Variants in ECPAS observed in about 807,000 individuals in gnomAD.
The protein encoded by ECPAS is proteasome adapter and scaffold protein ECM29.
In ECPAS, 70 loss-of-function variants were observed where a neutral mutation model predicts 255.1. The observed-to-expected ratio is 0.27, with a 90% confidence interval of 0.23 to 0.33. ECPAS has a LOEUF of 0.33. Ranked by LOEUF, ECPAS falls within the 10% of genes least tolerant of loss-of-function variation. The pLI, the probability that ECPAS is intolerant of heterozygous loss-of-function variation, is 1.00. For missense variants in ECPAS, 1,817 were observed against 2,206.4 expected, an observed-to-expected ratio of 0.82 and a Z score of 3.54; for synonymous variants, 784 against 775.0, an observed-to-expected ratio of 1.01 and a Z score of -0.19.
chr9:111,474,188 A>G (rs1004943982), intron 1 of ECPAS, among the ~76,000 whole-genome samples: 8 of 152,178 alleles, frequency 5.3e-5, no homozygotes, highest in East Asian at 1.9e-4. Flanking sequence ...CAACCCATTC[A>G]TTCAACAAAT....
intron 1 of ECPAS, chr9:111,483,438 GCCGGCCC>G: frequency 2.3e-6 from 2 of 882,406 alleles, no homozygotes; most frequent in Non-Finnish European, 2.7e-6. Flanking sequence ...TCATGCGGCC[GCCGGCCC>G]CCGGCACCGC....
At chr9:111,414,753 T>C in intron 18 of ECPAS, 102 bp from the exon 19 acceptor site, 1 of 1,033,318 alleles carries the variant, frequency 9.7e-7, no homozygotes, top group Non-Finnish European at 1.4e-6. Flanking sequence ...TCACCCACAC[T>C]TCTTTATAAA....
chr9:111,376,595 C>A (rs907597374), intron 36 of ECPAS, 54 bp from the exon 37 acceptor site: 3 of 1,304,248 alleles, frequency 2.3e-6, no homozygotes, highest in African/African-American at 1.5e-5. Flanking sequence ...AGGAATAATC[C>A]GCACAAACAC....
intron 15 of ECPAS, 33 bp from the exon 16 acceptor site, chr9:111,420,153 C>T (rs200947573): frequency 1.4e-6 from 2 of 1,453,648 alleles, no homozygotes; most frequent in South Asian, 1.2e-5. Flanking sequence ...CAGACCACCC[C>T]GATCCGAAAA....
chr9:111,437,633 C>G (rs2098240069), intron 6 of ECPAS, among the ~76,000 whole-genome samples: 1 of 152,042 alleles, frequency 6.6e-6, no homozygotes, highest in South Asian at 2.1e-4. Flanking sequence ...CACATAAGCA[C>G]GTACCACATA....
At chr9:111,440,292 A>G (rs1451312276) in intron 6 of ECPAS, 80 bp downstream of exon 6, 24 of 1,273,216 alleles carry the variant, frequency 1.9e-5, no homozygotes, top group Non-Finnish European at 2.6e-5. Context: ...TACTAGTGAG[A>G]GTTTAATCAT....
chr9:111,397,535 C>T (rs1173429704), intron 24 of ECPAS, among the ~76,000 whole-genome samples: 15 of 152,156 alleles, frequency 9.9e-5, no homozygotes, highest in Admixed American at 9.8e-4. Flanking sequence ...CTTATTTAAA[C>T]TTCTATGAGC....
chr9:111,373,884 G>T, intron 39 of ECPAS, 88 bp downstream of exon 39: 3 of 973,824 alleles, frequency 3.1e-6, no homozygotes, highest in South Asian at 2.8e-5. Context: ...AAGCAGGTCT[G>T]AATGATAAGT....
intron 26 of ECPAS, among the ~76,000 whole-genome samples, 151 bp from the exon 27 acceptor site, chr9:111,393,885 C>A (rs1445264900): frequency 6.6e-6 from 1 of 152,198 alleles, no homozygotes; most frequent in Non-Finnish European, 1.5e-5. Flanking sequence ...TGGCCCAAAT[C>A]ACCTGGAGCT....
intron 29 of ECPAS, among the ~76,000 whole-genome samples, chr9:111,391,272 G>C (rs575914453): frequency 6.6e-6 from 1 of 152,122 alleles, no homozygotes; most frequent in African/African-American, 2.4e-5. Flanking sequence ...TGTTTCCCAG[G>C]ACACTCAATT....
intron 2 of ECPAS, among the ~76,000 whole-genome samples, chr9:111,466,376 T>C (rs1198398058): frequency 1.3e-5 from 2 of 151,126 alleles, no homozygotes; most frequent in African/African-American, 4.9e-5. Flanking sequence ...ACCCGGGAGG[T>C]AGAGGTTGCA....
chr9:111,428,330 C>T (rs2098224721), intron 9 of ECPAS, among the ~76,000 whole-genome samples, 169 bp from the exon 10 acceptor site: 1 of 152,108 alleles, frequency 6.6e-6, no homozygotes, highest in Admixed American at 6.5e-5. Context: ...ATCTGTGTAA[C>T]CTATCAATAT....
intron 48 of ECPAS, among the ~76,000 whole-genome samples, chr9:111,364,484 A>C (rs901025720): frequency 1.3e-5 from 2 of 152,232 alleles, no homozygotes; most frequent in Non-Finnish European, 2.9e-5. Context: ...CATGGGCAGA[A>C]GAGAAGAATC....
At chr9:111,427,558 G>C (rs1284493601) in intron 10 of ECPAS, among the ~76,000 whole-genome samples, 1 of 152,180 alleles carries the variant, frequency 6.6e-6, no homozygotes, top group African/African-American at 2.4e-5. Context: ...TGAGATTTCA[G>C]ATTTTTTCAG....
Position 111,428,129 on chromosome 9 carries a change from G to A in ECPAS, c.963C>T (p.Asp321=). Residue 321 remains aspartate (D), a synonymous_variant, in exon 10 of 50, where the codon GAC becomes GAT. Transcript: ENST00000684092. The part of the protein sequence containing the change: ...GAVLKPELKR[D]PVSTRVKLKI... ...TTAACTTGACTCTTGTACTGACAGG[G>A]TCCCTTTTCAACTCTGGCTTCAGAA... is the stretch of plus-strand genomic sequence containing the variant. The A allele has an allele frequency of 6.2e-7, 1 of 1,612,446 alleles. No individual in the cohort carries two copies. Among genetic ancestry groups the A allele is most frequent in the Non-Finnish European group, 8.5e-7 (1 of 1,179,026 alleles).
At chr9:111,474,471 G>A (rs928418342) in intron 1 of ECPAS, among the ~76,000 whole-genome samples, 16 of 152,004 alleles carry the variant, frequency 1.1e-4, no homozygotes, top group African/African-American at 3.9e-4. Context: ...CTTTTTACTT[G>A]GCCATTGTGA....
At chr9:111,386,004 G>A (rs2098147779) in intron 32 of ECPAS, among the ~76,000 whole-genome samples, 1 of 152,192 alleles carries the variant, frequency 6.6e-6, no homozygotes, top group Non-Finnish European at 1.5e-5. Context: ...CTGTCGCCCA[G>A]GCTGGAGTTC....
intron 6 of ECPAS, 123 bp downstream of exon 6, chr9:111,440,249 G>T: frequency 2.4e-6 from 2 of 848,038 alleles, no homozygotes; most frequent in South Asian, 3.0e-5. Context: ...AAAAATCTTT[G>T]TAAACGTAAA....
chr9:111,389,872 T>C, intron 30 of ECPAS, 112 bp downstream of exon 30: 1 of 1,130,960 alleles, frequency 8.8e-7, no homozygotes, highest in South Asian at 1.5e-5. Flanking sequence ...AGCTTTCTCA[T>C]CAGGCACAGA....
Sources: allele counts gnomAD v4.1 joint callset (sites outside exome capture counted in the v4.1 genomes callset), GRCh38; gene constraint gnomAD v4.1.1; transcripts MANE v1.5; gene names NCBI Gene and HGNC (gene_info 2026-07-23, HGNC 2026-07-21).